The following ARHGAP42 variants were observed in gnomAD, a reference collection of about 807,000 sequenced individuals.
ARHGAP42 encodes rho GTPase-activating protein 42.
Under a neutral mutation model 125.0 loss-of-function variants are expected in ARHGAP42, and 63 were observed. The ratio of observed to expected loss-of-function variants is 0.50; its 90% CI spans 0.41 to 0.62. The LOEUF is 0.62. ARHGAP42 is among the 20% of genes least tolerant of loss of function. The pLI, the probability that ARHGAP42 is intolerant of heterozygous loss-of-function variation, is 0.00. For missense variants in ARHGAP42, 766 were observed against 1,024.2 expected (o/e 0.75, Z 3.44); for synonymous variants, 339 against 351.0 (o/e 0.97, Z 0.38).
chr11:100,788,479 C>T (rs1863487471), intron 2 of ARHGAP42, among the ~76,000 whole-genome samples: 1 of 152,162 alleles, frequency 6.6e-6, no homozygotes, highest in Non-Finnish European at 1.5e-5. Context: ...CAGTATTCGT[C>T]AGTAGGGCTG....
intron 1 of ARHGAP42, among the ~76,000 whole-genome samples, chr11:100,700,647 CT>C (rs1435293269): frequency 6.6e-6 from 1 of 152,216 alleles, no homozygotes; most frequent in Non-Finnish European, 1.5e-5. Context: ...AGAAGCAACT[CT>C]TCATTCGTTC....
chr11:100,975,796 T>C (rs1176095846), intron 19 of ARHGAP42, among the ~76,000 whole-genome samples: 1 of 152,208 alleles, frequency 6.6e-6, no homozygotes, highest in Admixed American at 6.5e-5. Context: ...AAAGTTATTA[T>C]CTAAAGGCAG....
At chr11:100,770,489 A>G in intron 2 of ARHGAP42, 51 bp downstream of exon 2, 1 of 1,229,748 alleles carries the variant, frequency 8.1e-7, no homozygotes, top group South Asian at 1.4e-5. Context: ...ATTTTACTGA[A>G]ATCAAATAGA....
intron 4 of ARHGAP42, among the ~76,000 whole-genome samples, chr11:100,907,646 G>C (rs1434375359): frequency 6.6e-6 from 1 of 152,138 alleles, no homozygotes; most frequent in Non-Finnish European, 1.5e-5. Context: ...AGATCCCTTG[G>C]GCTCCAGGTA....
rs552863681 is a variant in ARHGAP42, at chr11:100,878,885, A to G, written c.384+19260A>G. Among the ~76,000 whole-genome samples the G allele has an allele frequency of 1.5e-3, 233 of 151,254 alleles. 1 individual carries two copies. The highest frequency in any genetic ancestry group is 6.8e-3 in the Middle Eastern group (2 of 292). On this transcript the variant is annotated intron_variant, in intron 4 of 23. Coordinates refer to ENST00000298815, the MANE Select transcript of ARHGAP42 (RefSeq NM_152432.4). Reference sequence around the variant, plus strand: ...ACAAGCTTATTCTTTGGGGAGTTACATATATATATATGTATATAGTATATA... The same window carrying G: ...ACAAGCTTATTCTTTGGGGAGTTACGTATATATATATGTATATAGTATATA...
intron 4 of ARHGAP42, among the ~76,000 whole-genome samples, chr11:100,889,918 G>A (rs899500273): frequency 1.2e-4 from 18 of 152,122 alleles, no homozygotes; most frequent in Non-Finnish European, 2.2e-4. Flanking sequence ...CAGCTTCTTG[G>A]ATCTGGGTCA....
chr11:100,751,542 T>C (rs1476522903), intron 1 of ARHGAP42, among the ~76,000 whole-genome samples: 1 of 151,688 alleles, frequency 6.6e-6, no homozygotes, highest in Non-Finnish European at 1.5e-5. Context: ...TGTTCCTGGG[T>C]AGAAACCTGT....
intron 1 of ARHGAP42, among the ~76,000 whole-genome samples, chr11:100,723,922 C>T (rs909919941): frequency 6.6e-6 from 1 of 152,078 alleles, no homozygotes; most frequent in Non-Finnish European, 1.5e-5. Context: ...AATTGAGGAA[C>T]TTCCTGTCAA....
At chr11:100,890,346 G>GT (rs1280793963) in intron 4 of ARHGAP42, among the ~76,000 whole-genome samples, 4 of 152,188 alleles carry the variant, frequency 2.6e-5, no homozygotes, top group East Asian at 1.9e-4. Flanking sequence ...TGGTTTCATT[G>GT]TTTTTTTGAT....
At chr11:100,986,235 A>AT in intron 22 of ARHGAP42, 1 of 366,554 alleles carries the variant, frequency 2.7e-6, no homozygotes, top group Non-Finnish European at 5.3e-6. Flanking sequence ...CTGGGCAGCT[A>AT]TTTCAGAGAA....
chr11:100,956,499 T>C (rs1437956015), intron 12 of ARHGAP42, among the ~76,000 whole-genome samples: 1 of 152,152 alleles, frequency 6.6e-6, no homozygotes, highest in Non-Finnish European at 1.5e-5. Context: ...ACATACTGGC[T>C]CTTAGTGGCT....
chr11:100,788,972 G>A (rs1209336926), intron 2 of ARHGAP42, among the ~76,000 whole-genome samples: 1 of 152,028 alleles, frequency 6.6e-6, no homozygotes, highest in African/African-American at 2.4e-5. Flanking sequence ...TGCTTTTGTA[G>A]TATAATGCTG....
intron 4 of ARHGAP42, among the ~76,000 whole-genome samples, chr11:100,881,482 C>G (rs527300054): frequency 6.6e-6 from 1 of 152,116 alleles, no homozygotes; most frequent in East Asian, 1.9e-4. Context: ...TGACTATGGC[C>G]TTACAGTATA....
At chr11:100,882,748 TA>T (rs1865992667) in intron 4 of ARHGAP42, among the ~76,000 whole-genome samples, 1 of 152,086 alleles carries the variant, frequency 6.6e-6, no homozygotes. Context: ...TTGTTGGTAA[TA>T]ATTACCATTT....
intron 1 of ARHGAP42, among the ~76,000 whole-genome samples, chr11:100,720,025 A>G (rs1468962044): frequency 2.0e-5 from 3 of 152,194 alleles, no homozygotes; most frequent in African/African-American, 2.4e-5. Flanking sequence ...ACCGTAGTCA[A>G]CATTTGTAGC....
chr11:100,702,114 G>A (rs1022196292), intron 1 of ARHGAP42, among the ~76,000 whole-genome samples: 6 of 151,130 alleles, frequency 4.0e-5, no homozygotes, highest in African/African-American at 1.5e-4. Flanking sequence ...GCAAGACCCT[G>A]TCTCAAAAAA....
intron 4 of ARHGAP42, among the ~76,000 whole-genome samples, chr11:100,891,437 G>A (rs965555903): frequency 3.3e-5 from 4 of 119,934 alleles, no homozygotes; most frequent in East Asian, 2.6e-4. Flanking sequence ...TAAAAGCATC[G>A]ACTTTTTTTT....
At chr11:100,701,281 A>T (rs1417810961) in intron 1 of ARHGAP42, among the ~76,000 whole-genome samples, 1 of 151,836 alleles carries the variant, frequency 6.6e-6, no homozygotes, top group African/African-American at 2.4e-5. Flanking sequence ...CTTCTTAAGG[A>T]GTCTAGGATT....
At chr11:100,739,533 C>A (rs563120174) in intron 1 of ARHGAP42, among the ~76,000 whole-genome samples, 1 of 152,252 alleles carries the variant, frequency 6.6e-6, no homozygotes, top group Non-Finnish European at 1.5e-5. Context: ...TTTACTGAAG[C>A]AGTCAGGATG....
Sources: allele counts gnomAD v4.1 joint callset (sites outside exome capture counted in the v4.1 genomes callset), GRCh38; gene constraint gnomAD v4.1.1; transcripts MANE v1.5; gene names NCBI Gene and HGNC (gene_info 2026-07-23, HGNC 2026-07-21).